The following NAA35 variants were observed in gnomAD, a reference collection of about 807,000 sequenced individuals.
NAA35 encodes MAK10 homolog, amino-acid N-acetyltransferase subunit.
NAA35 carries 18 observed loss-of-function variants against 101.7 expected under a neutral mutation model. That is an observed-to-expected ratio of 0.18 (90% CI 0.12 to 0.26). The LOEUF (loss-of-function observed/expected upper bound fraction) is 0.26. NAA35 is among the 10% of genes least tolerant of loss of function. The probability of loss-of-function intolerance (pLI) is 1.00; values close to 1 mark genes in which losing one functional copy is unlikely to be tolerated. For synonymous variants in NAA35, 267 were observed against 273.1 expected (o/e 0.98, Z 0.22); for missense variants, 601 against 886.8 (o/e 0.68, Z 4.09).
intron 2 of NAA35, among the ~76,000 whole-genome samples, chr9:85,945,713 G>C (rs578111704): frequency 6.6e-6 from 1 of 152,028 alleles, no homozygotes; most frequent in Non-Finnish European, 1.5e-5. Flanking sequence ...TAGAGACGGG[G>C]TTTCACCGTG....
rs780292453 is a variant in NAA35, at chr9:85,960,775, C to T, written c.348+908C>T. On this transcript the variant is annotated intron_variant, in intron 5 of 22. Transcript: ENST00000361671. ...TGACAACATGTAAATGCTTTTATGA[C>T]GGTGCCGTGGGAACAGAGAGGAGGA... Among the ~76,000 whole-genome samples the T allele has an allele frequency of 4.5e-4, 68 of 152,132 alleles. 1 individual carries two copies. In the Middle Eastern group the frequency reaches 0.014, roughly 30 times the overall value.
In NAA35 at chr9:85,975,014, G is replaced by C; in HGVS notation, c.564G>C (p.Val188=). 6.2e-7 allele frequency: 1 copy of C among 1,612,954 alleles called. No individual in the cohort carries two copies. Among genetic ancestry groups the C allele is most frequent in the Non-Finnish European group, 8.5e-7 (1 of 1,179,328 alleles). ...ATGGATTTAAAATGGCTAACAGTGT[G>C]ACAGATCTTCGAGTTACAGGTAAAA... ...MTYGFKMANS[V]TDLRVTGMLK... Residue 188 remains valine, a synonymous_variant, in exon 7 of 23, where the codon GTG becomes GTC. Transcript: ENST00000361671.
chr9:85,971,222 A>G (rs1829984677), intron 6 of NAA35, among the ~76,000 whole-genome samples: 1 of 151,710 alleles, frequency 6.6e-6, no homozygotes, highest in African/African-American at 2.4e-5. Context: ...ATCTTTATTT[A>G]CTCCAAATGG....
intron 2 of NAA35, among the ~76,000 whole-genome samples, chr9:85,948,342 T>C (rs577713794): frequency 4.6e-5 from 7 of 152,360 alleles, no homozygotes; most frequent in African/African-American, 1.7e-4. Context: ...TAGAATTCAT[T>C]AATTCTACCA....
At chr9:85,998,071 C>T (rs975155909) in intron 12 of NAA35, among the ~76,000 whole-genome samples, 6 of 152,210 alleles carry the variant, frequency 3.9e-5, no homozygotes, top group East Asian at 1.9e-4. Context: ...TCCGCCACCA[C>T]GCCCAGCTAA....
chr9:85,974,635 C>T (rs774320731), intron 6 of NAA35, among the ~76,000 whole-genome samples: 1 of 152,108 alleles, frequency 6.6e-6, no homozygotes, highest in Non-Finnish European at 1.5e-5. Context: ...TACTGTTCAC[C>T]TGTGAATGTG....
At chr9:85,950,189 A>G (rs1224505576) in intron 2 of NAA35, among the ~76,000 whole-genome samples, 1 of 152,174 alleles carries the variant, frequency 6.6e-6, no homozygotes, top group African/African-American at 2.4e-5. Context: ...ACTCTGCTTC[A>G]TGAGTAAATT....
intron 11 of NAA35, among the ~76,000 whole-genome samples, chr9:85,988,867 A>T (rs761543000): frequency 2.0e-5 from 3 of 152,046 alleles, no homozygotes; most frequent in East Asian, 1.9e-4. Context: ...AGCAAAGGAG[A>T]TGTGAAGTAT....
chr9:85,986,514 A>G, intron 11 of NAA35: 1 of 463,966 alleles, frequency 2.2e-6, no homozygotes, highest in Non-Finnish European at 4.4e-6. Flanking sequence ...AGTCAGAGAT[A>G]ATGTGTAAAA....
Position 86,022,397 on chromosome 9 carries a change from C to G in NAA35, c.*437C>G, listed in dbSNP as rs1364774720. The G allele has an allele frequency of 6.6e-6, 1 of 152,658 alleles. No individual in the cohort carries two copies. The highest frequency in any genetic ancestry group is 1.9e-4 in the East Asian group (1 of 5,204). 9.5% of individuals were successfully genotyped at this position (152,658 alleles called of 1,614,324 possible). A position where few individuals can be genotyped will look rare whatever the true frequency, so the allele number is the denominator to read the frequency against. On this transcript the variant is annotated 3_prime_UTR_variant, in exon 23 of 23. Transcript: ENST00000361671. ...TTTGAGTAGTTCCAAAAACGTTATC[C>G]AAAAGAAGTTTCAAATCAAGGGATT...
chr9:86,009,819 T>C, intron 14 of NAA35, 46 bp from the exon 15 acceptor site: 1 of 1,466,490 alleles, frequency 6.8e-7, no homozygotes, highest in South Asian at 1.2e-5. Flanking sequence ...GCTGCTGCTT[T>C]TGTTTGGGCT....
At chr9:86,021,030 C>A in intron 22 of NAA35, 61 bp downstream of exon 22, 4 of 1,226,250 alleles carry the variant, frequency 3.3e-6, no homozygotes, top group Non-Finnish European at 4.6e-6. Flanking sequence ...ATAAGTTTTG[C>A]AATAAGATGT....
intron 9 of NAA35, 65 bp downstream of exon 9, chr9:85,976,800 T>A (rs1830229295): frequency 8.2e-7 from 1 of 1,219,152 alleles, no homozygotes; most frequent in Admixed American, 2.3e-5. Context: ...TGTAGTTTTA[T>A]GAACTGCGTT....
intron 6 of NAA35, among the ~76,000 whole-genome samples, chr9:85,963,263 CTTT>C (rs527736196): frequency 5.5e-5 from 4 of 72,296 alleles, no homozygotes; most frequent in African/African-American, 1.8e-4. Context: ...GAAGGTATGG[CTTT>C]TTTTTTTTTT....
chr9:86,007,191 A>T (rs1587651414), intron 13 of NAA35, among the ~76,000 whole-genome samples, 167 bp from the exon 14 acceptor site: 1 of 152,196 alleles, frequency 6.6e-6, no homozygotes, highest in South Asian at 2.1e-4. Flanking sequence ...TTCAGTAAGG[A>T]TTAATAAGTA....
chr9:86,001,154 A>C (rs1831403125), intron 12 of NAA35, among the ~76,000 whole-genome samples: 1 of 152,188 alleles, frequency 6.6e-6, no homozygotes, highest in Non-Finnish European at 1.5e-5. Flanking sequence ...CCCAAAAGGC[A>C]TTCAGGAGGA....
At chr9:85,955,355 TATA>T (rs1331347296) in intron 2 of NAA35, among the ~76,000 whole-genome samples, 1,607 of 60,792 alleles carry the variant, frequency 0.026, 77 homozygotes, top group Non-Finnish European at 0.034. Flanking sequence ...TATATATATA[TATA>T]TATTTTTTTT....
At chr9:85,941,487 C>G (rs1342557475) in intron 1 of NAA35, 1 of 985,462 alleles carries the variant, frequency 1.0e-6, no homozygotes, top group East Asian at 1.1e-4. Context: ...CGACCCGGCG[C>G]CGGACGTGCC....
intron 21 of NAA35, 52 bp from the exon 22 acceptor site, chr9:86,020,837 G>T (rs1051783506): frequency 8.3e-5 from 121 of 1,453,624 alleles, no homozygotes; most frequent in Non-Finnish European, 1.1e-4. Context: ...AAGAAAAAGA[G>T]AAATTTTGAC....
Sources: gnomAD v4.1 joint callset for allele counts (sites outside exome capture counted in the v4.1 genomes callset) on GRCh38, gnomAD v4.1.1 for gene constraint, MANE v1.5 for transcripts, NCBI Gene and HGNC (gene_info 2026-07-23, HGNC 2026-07-21) for gene names.